Variants in PCDHGA8 observed in about 807,000 individuals in gnomAD.
PCDHGA8 encodes the protein protocadherin gamma-A8.
A neutral mutation model predicts 59.2 loss-of-function variants in PCDHGA8; 45 were observed. The observed-to-expected ratio is 0.76, with a 90% confidence interval of 0.60 to 0.98. The LOEUF (loss-of-function observed/expected upper bound fraction) is 0.98. Among genes scored for constraint, PCDHGA8 ranks in the 50% least tolerant of loss-of-function variants. The pLI, the probability that PCDHGA8 is intolerant of heterozygous loss-of-function variation, is 0.00. For missense variants in PCDHGA8, 1,257 were observed against 1,196.2 expected (o/e 1.05, Z -0.75); for synonymous variants, 531 against 519.0 (o/e 1.02, Z -0.32).
At chr5:141,425,918 CG>C (rs2096903264) in intron 1 of PCDHGA8, among the ~76,000 whole-genome samples, 1 of 152,200 alleles carries the variant, frequency 6.6e-6, no homozygotes, top group Admixed American at 6.5e-5. Context: ...ACAGTCACTA[CG>C]AAAACTCATA....
rs767107885 is a variant in PCDHGA8, at chr5:141,423,138, C to T, written c.2424+27901C>T. ...CAGCGCGGGCACTGCTGGACAGAGA[C>T]GCGCTCAAGCAGAGCCTCGTGGTGG... On this transcript the variant is annotated intron_variant, in intron 1 of 3. Transcript: ENST00000398604. 2.5e-6 allele frequency: 4 copies of T among 1,613,606 alleles called. 1 individual carries two copies. The highest frequency in any genetic ancestry group is 3.4e-6 in the Non-Finnish European group (4 of 1,179,912).
chr5:141,393,233 A>T lies in PCDHGA8; in HGVS notation c.420A>T (p.Val140=), dbSNP rs756421828. 44 of 1,613,664 alleles carry T rather than the reference A, an allele frequency of 2.7e-5. No individual in the cohort carries two copies. The highest frequency in any genetic ancestry group is 3.4e-5 in the Non-Finnish European group (40 of 1,179,914). Residue 140 remains valine (V), a synonymous_variant, in exon 1 of 4, where the codon GTA becomes GTT. Transcript: ENST00000398604. ...NPKFQVEDLE[V]KINEIAVPGA... ...AATTCCAGGTCGAAGATCTAGAAGTAAAAATTAACGAAATCGCGGTTCCTG... is the reference window on the plus strand; with the variant it reads ...AATTCCAGGTCGAAGATCTAGAAGTTAAAATTAACGAAATCGCGGTTCCTG...
intron 1 of PCDHGA8, among the ~76,000 whole-genome samples, chr5:141,451,430 T>C (rs1441183396): frequency 2.0e-5 from 3 of 152,240 alleles, no homozygotes; most frequent in Non-Finnish European, 4.4e-5. Context: ...AGACTAAGGG[T>C]TCCAGTTCCT....
At chr5:141,416,132 A>G (rs939839074) in intron 1 of PCDHGA8, 1 of 153,964 alleles carries the variant, frequency 6.5e-6, no homozygotes, top group Non-Finnish European at 1.4e-5. Flanking sequence ...ATATTTTTCA[A>G]TCTATACTTT....
rs1385408442 is a variant in PCDHGA8 at position 141,487,321 on chromosome 5, T to A, written c.2425-7486T>A. 1 of 1,614,198 alleles carries A rather than the reference T, an allele frequency of 6.2e-7. No homozygotes were observed. The highest frequency in any genetic ancestry group is 1.7e-5 in the Admixed American group (1 of 60,032). ...TCGTGGCACTACTCTCTAAGTGTCT[T>A]CGTGGGGCAGCCTGTGGAGTCACAT... is the stretch of plus-strand genomic sequence containing the variant. On this transcript the variant is annotated intron_variant, in intron 1 of 3. Transcript: ENST00000398604. This position sits in a 1 kb window ranked among gnomAD's most constrained non-coding sequence, Gnocchi z 5.0.
At chr5:141,450,014 T>A (rs867473620) in intron 1 of PCDHGA8, among the ~76,000 whole-genome samples, 7,114 of 149,588 alleles carry the variant, frequency 0.048, 422 homozygotes, top group African/African-American at 0.13. Context: ...CTCTTTTTTT[T>A]TTTTTTTTTT....
At chr5:141,484,916 CCTG>C (rs34524370) in intron 1 of PCDHGA8, 64,782 of 456,708 alleles carry the variant, frequency 0.14, 4,878 homozygotes, top group African/African-American at 0.18. Context: ...ACGCATTAAC[CCTG>C]CTGCTGTTGG....
intron 1 of PCDHGA8, chr5:141,410,320 C>G (rs752279818): frequency 8.1e-6 from 13 of 1,613,880 alleles, no homozygotes; most frequent in African/African-American, 2.7e-5. Context: ...TCCTCCTCGC[C>G]GTGATTCTGG....
In PCDHGA8 at chr5:141,492,559, C is replaced by A. The variant is rs533830391; in HGVS notation, c.2425-2248C>A. ...GGGCTGGGCCGGGTCGCCTGGGGGG[C>A]GGCCTGAGCGAGGCGCGGGGCCAGG... On this transcript the variant is annotated intron_variant, in intron 1 of 3. Coordinates refer to ENST00000398604, the MANE Select transcript of PCDHGA8 (RefSeq NM_032088.2). 2.6e-5 allele frequency among the ~76,000 whole-genome samples: 4 copies of A among 152,292 alleles called. No individual in the cohort carries two copies. The East Asian group carries it at 7.7e-4, about 29-fold the overall frequency.
In PCDHGA8 at chr5:141,481,621, C is replaced by T. The variant is rs533294863; in HGVS notation, c.2425-13186C>T. Among the ~76,000 whole-genome samples the T allele has an allele frequency of 3.9e-5, 6 of 152,198 alleles. 1 individual carries two copies. Among genetic ancestry groups the T allele is most frequent in the East Asian group, 3.9e-4 (2 of 5,172 alleles). Reference sequence around the variant, plus strand: ...TCACCTGAGGCCAGGAGTTCAAGACCGGCCTGGCCAACATGGTGAAACTTC... The same window carrying T: ...TCACCTGAGGCCAGGAGTTCAAGACTGGCCTGGCCAACATGGTGAAACTTC... On this transcript the variant is annotated intron_variant, in intron 1 of 3. Transcript: ENST00000398604.
intron 1 of PCDHGA8, chr5:141,398,251 C>G (rs753114593): frequency 6.8e-7 from 1 of 1,464,006 alleles, no homozygotes; most frequent in East Asian, 2.5e-5. Flanking sequence ...CGAGGAAATG[C>G]CCAAGGGCTC....
At chr5:141,414,395 G>GAAAAGTCC (rs1226242642) in intron 1 of PCDHGA8, 1 of 1,613,924 alleles carries the variant, frequency 6.2e-7, no homozygotes, top group South Asian at 1.1e-5. Context: ...AGTTATTACA[G>GAAAAGTCC]ATTGGTGATA....
chr5:141,399,055 G>C, intron 1 of PCDHGA8: 1 of 1,613,844 alleles, frequency 6.2e-7, no homozygotes, highest in Non-Finnish European at 8.5e-7. Context: ...AGAGACCAAG[G>C]AATATTCAAT....
chr5:141,494,762 A>G (rs770570158), intron 1 of PCDHGA8, 45 bp from the exon 2 acceptor site: 1 of 1,613,200 alleles, frequency 6.2e-7, no homozygotes, highest in South Asian at 1.1e-5. Flanking sequence ...TGACATTCTA[A>G]CTTCTCACGG....
rs763489153 is a variant in PCDHGA8, at chr5:141,394,908, G to A, written c.2095G>A (p.Ala699Thr). The A allele has an allele frequency of 3.1e-6, 5 of 1,613,652 alleles. No individual in the cohort carries two copies. The highest frequency in any genetic ancestry group is 2.2e-5 in the East Asian group (1 of 44,898). The change falls in exon 1 of 4, where the codon GCC becomes ACC. Residue 699 changes from alanine to threonine, a missense_variant. By Grantham distance (58) the Ala-to-Thr change is moderately conservative. Coordinates refer to ENST00000398604, the MANE Select transcript of PCDHGA8 (RefSeq NM_032088.2). ...ACTCTATCTCGTGGTGGCAGTGGCTGCCATCTCCTGTGTCTTCCTCGCCTT... is the reference window on the plus strand; with the variant it reads ...ACTCTATCTCGTGGTGGCAGTGGCTACCATCTCCTGTGTCTTCCTCGCCTT... Reference protein sequence around the residue: ...LTLYLVVAVAAISCVFLAFVA... With the variant: ...LTLYLVVAVATISCVFLAFVA...
Position 141,487,686 on chromosome 5 carries a change from T to G in PCDHGA8, c.2425-7121T>G, listed in dbSNP as rs778973495. The G allele has an allele frequency of 4.4e-6, 7 of 1,605,914 alleles. 1 individual carries two copies. The African/African-American group carries it at 9.4e-5, about 21-fold the overall frequency. On this transcript the variant is annotated intron_variant, in intron 1 of 3. Coordinates refer to ENST00000398604, the MANE Select transcript of PCDHGA8 (RefSeq NM_032088.2). The surrounding 1 kb of genome is among the most constrained non-coding windows in gnomAD (Gnocchi z 5.0). Reference sequence around the variant, plus strand: ...CCAGGCATATGGCTAGGCCATGTCCTAGAGAGTACTGGCCTCTCAGTAAGT... The same window carrying G: ...CCAGGCATATGGCTAGGCCATGTCCGAGAGAGTACTGGCCTCTCAGTAAGT...
chr5:141,409,756 C>G, intron 1 of PCDHGA8: 1 of 1,612,994 alleles, frequency 6.2e-7, no homozygotes, highest in Non-Finnish European at 8.5e-7. Context: ...TCGCGCAGCG[C>G]GCCTTTGATC....
At chr5:141,416,993 C>T (rs1230909560) in intron 1 of PCDHGA8, 1 of 151,494 alleles carries the variant, frequency 6.6e-6, no homozygotes, top group Non-Finnish European at 1.5e-5. Context: ...ATTGTGCATT[C>T]ATCTCAAATA....
Position 141,394,229 on chromosome 5 carries a change from T to C in PCDHGA8, c.1416T>C (p.Phe472=). The C allele has an allele frequency of 6.2e-7, 1 of 1,613,872 alleles. No individual in the cohort carries two copies. The highest frequency in any genetic ancestry group is 8.5e-7 in the Non-Finnish European group (1 of 1,179,870). ...LENNLRGASI[F]SLTAHDPDSQ... ...ACAACCTGAGAGGAGCCTCCATCTT[T>C]TCCTTGACTGCACACGACCCCGACA... The change falls in exon 1 of 4, where the codon TTT becomes TTC. Residue 472 remains phenylalanine (F), a synonymous_variant. Transcript: ENST00000398604.
Sources: gnomAD v4.1 joint callset for allele counts (sites outside exome capture counted in the v4.1 genomes callset) on GRCh38, gnomAD v4.1.1 for gene constraint, Gnocchi (gnomAD v3.1) non-coding constraint, MANE v1.5 for transcripts, NCBI Gene and HGNC (gene_info 2026-07-23, HGNC 2026-07-21) for gene names.